Variants in ST3GAL3 observed in about 807,000 individuals in gnomAD.
ST3GAL3 encodes the protein CMP-N-acetylneuraminate-beta-1,4-galactoside alpha-2,3-sialyltransferase.
A neutral mutation model predicts 50.1 loss-of-function variants in ST3GAL3; 21 were observed. That is an observed-to-expected ratio of 0.42 (90% CI 0.30 to 0.60). ST3GAL3 has a LOEUF of 0.60. Among genes scored for constraint, ST3GAL3 ranks in the 20% least tolerant of loss-of-function variants. ST3GAL3 has a pLI of 0.19. For missense variants in ST3GAL3, 353 were observed against 489.4 expected (o/e 0.72, Z 2.63); for synonymous variants, 183 against 190.0 (o/e 0.96, Z 0.30).
intron 2 of ST3GAL3, among the ~76,000 whole-genome samples, chr1:43,759,226 A>C (rs1689363952): frequency 6.6e-6 from 1 of 151,754 alleles, no homozygotes; most frequent in African/African-American, 2.4e-5. Flanking sequence ...CAGGTGGATC[A>C]GGAGGTCAGG....
chr1:43,872,362 G>T (rs1382750543), intron 5 of ST3GAL3, among the ~76,000 whole-genome samples: 1 of 150,236 alleles, frequency 6.7e-6, no homozygotes, highest in Non-Finnish European at 1.5e-5. Context: ...GGTGTGAGGG[G>T]GGAGGACTGT....
At chr1:43,854,222 G>C (rs1368203048) in intron 5 of ST3GAL3, among the ~76,000 whole-genome samples, 1 of 152,166 alleles carries the variant, frequency 6.6e-6, no homozygotes, top group African/African-American at 2.4e-5. Context: ...TGCAAGACTT[G>C]CTACAGTTAC....
intron 2 of ST3GAL3, among the ~76,000 whole-genome samples, chr1:43,765,776 TGTGTGTGTGCGC>T (rs1447234263): frequency 0.014 from 1,859 of 135,112 alleles, 34 homozygotes; most frequent in African/African-American, 0.036. Flanking sequence ...TGTGTGTGTG[TGTGTGTGTGCGC>T]GCGCGCGCGC....
At chr1:43,727,771 A>T (rs1217426452) in intron 1 of ST3GAL3, among the ~76,000 whole-genome samples, 1 of 152,146 alleles carries the variant, frequency 6.6e-6, no homozygotes, top group Non-Finnish European at 1.5e-5. Flanking sequence ...TCTGGGTTTT[A>T]GGTGTCTCAA....
chr1:43,843,275 G>A, intron 5 of ST3GAL3, among the ~76,000 whole-genome samples: 1 of 152,156 alleles, frequency 6.6e-6, no homozygotes, highest in East Asian at 1.9e-4. Flanking sequence ...TCTTGAGAGT[G>A]TTTATCATGA....
In ST3GAL3 at chr1:43,737,910, T is replaced by G. The variant is rs775605151; in HGVS notation, c.118+1530T>G. On this transcript the variant is annotated intron_variant, in intron 2 of 11. Coordinates refer to ENST00000347631, the MANE Select transcript of ST3GAL3 (RefSeq NM_006279.5). This position sits in a 1 kb window ranked among gnomAD's most constrained non-coding sequence, Gnocchi z 4.0. ...TTTACAAATATAATTTCATTTAATG[T>G]AATTCTTACTGCAGTTTTGTGAAGA... 19 of 152,248 alleles carry G rather than the reference T, an allele frequency of 1.2e-4. No homozygotes were observed. Among genetic ancestry groups the G allele is most frequent in the Non-Finnish European group, 4.4e-5 (3 of 68,046 alleles). 9.4% of individuals were successfully genotyped at this position (152,248 alleles called of 1,614,324 possible).
At chr1:43,869,386 GTA>G (rs1309480711) in intron 5 of ST3GAL3, among the ~76,000 whole-genome samples, 1 of 152,106 alleles carries the variant, frequency 6.6e-6, no homozygotes, top group African/African-American at 2.4e-5. Context: ...CCCGTATAGG[GTA>G]TCATAAAGGG....
chr1:43,717,343 C>T (rs1054694548), intron 1 of ST3GAL3, among the ~76,000 whole-genome samples: 3 of 152,064 alleles, frequency 2.0e-5, no homozygotes, highest in Non-Finnish European at 4.4e-5. Flanking sequence ...TGCAATAGTC[C>T]AGCATAGTTT....
chr1:43,747,545 A>G (rs1258761960), intron 2 of ST3GAL3, among the ~76,000 whole-genome samples: 1 of 144,828 alleles, frequency 6.9e-6, no homozygotes, highest in Non-Finnish European at 1.5e-5. Flanking sequence ...AACTCTGCAG[A>G]CCCCATAGCT....
chr1:43,902,212 C>T (rs1384757050), intron 9 of ST3GAL3, among the ~76,000 whole-genome samples: 1 of 152,200 alleles, frequency 6.6e-6, no homozygotes, highest in Non-Finnish European at 1.5e-5. Flanking sequence ...CTGGAGAGCT[C>T]TCTGCACCTG....
chr1:43,867,764 C>A (rs1419906743), intron 5 of ST3GAL3, among the ~76,000 whole-genome samples: 1 of 152,184 alleles, frequency 6.6e-6, no homozygotes, highest in African/African-American at 2.4e-5. Context: ...TTTACCGTAC[C>A]TTCTTGGCTC....
intron 2 of ST3GAL3, among the ~76,000 whole-genome samples, chr1:43,760,583 G>A (rs367573761): frequency 7.2e-5 from 11 of 152,192 alleles, no homozygotes; most frequent in East Asian, 1.9e-4. Context: ...GTGAAACCCC[G>A]TCTCTACTAA....
intron 9 of ST3GAL3, among the ~76,000 whole-genome samples, chr1:43,918,822 A>T (rs75445283): frequency 6.6e-6 from 1 of 152,038 alleles, no homozygotes; most frequent in African/African-American, 2.4e-5. Flanking sequence ...ATCCAGGAAT[A>T]TGATTTTGTC....
At chr1:43,906,509 CCCT>C (rs1376488643) in intron 9 of ST3GAL3, among the ~76,000 whole-genome samples, 88 of 117,152 alleles carry the variant, frequency 7.5e-4, no homozygotes, top group African/African-American at 2.8e-3. Flanking sequence ...CCACTCTTCC[CCCT>C]CCTCCTCCTG....
At chr1:43,841,883 T>G (rs1370350355) in intron 5 of ST3GAL3, 3 of 152,218 alleles carry the variant, frequency 2.0e-5, no homozygotes, top group Non-Finnish European at 4.4e-5. Context: ...AAATTCCAAC[T>G]TTAAGTCATT....
At chr1:43,767,992 A>G (rs1049572540) in intron 2 of ST3GAL3, among the ~76,000 whole-genome samples, 18 of 152,170 alleles carry the variant, frequency 1.2e-4, no homozygotes, top group African/African-American at 4.3e-4. Flanking sequence ...GAAAATGTAG[A>G]GCACATTAAA....
chr1:43,742,192 T>G (rs149710025), intron 2 of ST3GAL3, among the ~76,000 whole-genome samples: 30 of 152,296 alleles, frequency 2.0e-4, no homozygotes, highest in African/African-American at 7.0e-4. Context: ...GGTCCAGCCC[T>G]ACCAGTAGAA....
chr1:43,898,902 C>T (rs972335249), intron 7 of ST3GAL3, among the ~76,000 whole-genome samples: 20 of 152,186 alleles, frequency 1.3e-4, no homozygotes, highest in African/African-American at 4.6e-4. Flanking sequence ...TCCTCACCAC[C>T]CACGCCTGGC....
intron 9 of ST3GAL3, among the ~76,000 whole-genome samples, chr1:43,918,754 T>C (rs1263422282): frequency 6.6e-6 from 1 of 152,158 alleles, no homozygotes; most frequent in Non-Finnish European, 1.5e-5. Flanking sequence ...GATTTTTTTC[T>C]TAGAATTATG....
Sources: gnomAD v4.1 joint callset for allele counts (sites outside exome capture counted in the v4.1 genomes callset) on GRCh38, gnomAD v4.1.1 for gene constraint, Gnocchi (gnomAD v3.1) non-coding constraint, MANE v1.5 for transcripts, NCBI Gene and HGNC (gene_info 2026-07-23, HGNC 2026-07-21) for gene names.